PAPOLA: variants seen among roughly 807,000 people sequenced by gnomAD.
PAPOLA encodes the protein poly(A) polymerase alpha, also known as polynucleotide adenylyltransferase alpha.
Under a neutral mutation model 100.6 loss-of-function variants are expected in PAPOLA, and 15 were observed. The ratio of observed to expected loss-of-function variants is 0.15; its 90% confidence interval spans 0.10 to 0.23. The LOEUF is 0.23. PAPOLA is among the 10% of genes least tolerant of loss of function. PAPOLA has a pLI of 1.00. For missense variants in PAPOLA, 533 were observed against 884.2 expected, an observed-to-expected ratio of 0.60 and a Z score of 5.04; for synonymous variants, 293 against 300.0, an observed-to-expected ratio of 0.98 and a Z score of 0.24.
At chr14:96,558,893 A>G (rs955370681) in intron 19 of PAPOLA, among the ~76,000 whole-genome samples, 52 of 152,120 alleles carry the variant, frequency 3.4e-4, no homozygotes, top group African/African-American at 1.2e-3. Flanking sequence ...ATTTTTTAAA[A>G]AATAGGCTGT....
intron 4 of PAPOLA, chr14:96,527,198 C>A: frequency 2.2e-6 from 1 of 461,072 alleles, no homozygotes; most frequent in Non-Finnish European, 3.8e-6. Flanking sequence ...CTTTGGGCTC[C>A]CAGTTTACTT....
At chr14:96,557,647 T>C (rs1192781740) in intron 19 of PAPOLA, among the ~76,000 whole-genome samples, 1 of 151,678 alleles carries the variant, frequency 6.6e-6, no homozygotes, top group Non-Finnish European at 1.5e-5. Flanking sequence ...AAAAAACCCC[T>C]CTAGATTTCT....
At chr14:96,503,334 TTCTC>T (rs1284946204) in intron 1 of PAPOLA, among the ~76,000 whole-genome samples, 1 of 152,218 alleles carries the variant, frequency 6.6e-6, no homozygotes, top group Non-Finnish European at 1.5e-5. Context: ...GTTTCCTTCT[TTCTC>T]TATCTCTGGT....
At chr14:96,533,753 C>T (rs1899274087) in intron 9 of PAPOLA, 1 of 378,028 alleles carries the variant, frequency 2.6e-6, no homozygotes, top group Non-Finnish European at 3.6e-6. Context: ...CGAGGTTTCA[C>T]TGTGTTAGCC....
intron 1 of PAPOLA, chr14:96,504,406 T>C (rs1896564306): frequency 6.6e-6 from 1 of 152,240 alleles, no homozygotes; most frequent in Non-Finnish European, 1.5e-5. Context: ...TTCAAGTGTG[T>C]AAAATGGAAG....
intron 3 of PAPOLA, among the ~76,000 whole-genome samples, chr14:96,521,753 C>A (rs944662215): frequency 1.3e-5 from 2 of 151,502 alleles, no homozygotes; most frequent in Admixed American, 6.6e-5. Context: ...TGCTAGTGTT[C>A]CAGGCGTGAG....
intron 1 of PAPOLA, among the ~76,000 whole-genome samples, chr14:96,513,109 G>A (rs936497201): frequency 2.0e-5 from 3 of 152,124 alleles, no homozygotes; most frequent in African/African-American, 7.2e-5. Context: ...TGTTGCTCAG[G>A]CTGGACTGCA....
At chr14:96,524,475 C>T (rs1160196673) in intron 3 of PAPOLA, among the ~76,000 whole-genome samples, 1 of 151,982 alleles carries the variant, frequency 6.6e-6, no homozygotes, top group African/African-American at 2.4e-5. Flanking sequence ...CTCTGCTGTC[C>T]CTTTCCCCTT....
At chr14:96,512,488 A>G (rs1897171068) in intron 1 of PAPOLA, among the ~76,000 whole-genome samples, 1 of 152,224 alleles carries the variant, frequency 6.6e-6, no homozygotes, top group Non-Finnish European at 1.5e-5. Flanking sequence ...ATCTGGGTTC[A>G]TATTCTGGTC....
intron 12 of PAPOLA, 104 bp from the exon 13 acceptor site, chr14:96,542,139 T>C (rs1900044222): frequency 3.3e-6 from 2 of 613,630 alleles, no homozygotes; most frequent in Admixed American, 3.2e-5. Context: ...CCTTGCTAAA[T>C]TGATGTGGAT....
chr14:96,507,291 T>G (rs1403667578), intron 1 of PAPOLA, among the ~76,000 whole-genome samples: 1 of 134,608 alleles, frequency 7.4e-6, no homozygotes, highest in Non-Finnish European at 1.6e-5. Context: ...TTTTTTTTTT[T>G]TTTTTTTTTT....
rs192343802 is a variant in PAPOLA at position 96,553,357 on chromosome 14, G to C, written c.1664+735G>C. ...GTGAGACTCCCATCTCTAGAAAAAA[G>C]TAAAAGAATTAGGTGTGGTGGTATG... On this transcript the variant is annotated intron_variant, in intron 17 of 21. Transcript: ENST00000216277. 2.0e-5 allele frequency: 3 copies of C among 151,962 alleles called. No homozygotes were observed. The East Asian group carries it at 5.8e-4, about 29-fold the overall frequency. 9.4% of individuals were successfully genotyped at this position (151,962 alleles called of 1,614,324 possible).
At chr14:96,551,027 T>C (rs1900808313) in intron 16 of PAPOLA, among the ~76,000 whole-genome samples, 1 of 152,202 alleles carries the variant, frequency 6.6e-6, no homozygotes, top group South Asian at 2.1e-4. Flanking sequence ...CTGCAAAGTA[T>C]GTGTGTGTGT....
chr14:96,525,611 T>C (rs1898395745), intron 4 of PAPOLA, among the ~76,000 whole-genome samples: 2 of 152,150 alleles, frequency 1.3e-5, no homozygotes, highest in Non-Finnish European at 2.9e-5. Flanking sequence ...ATTAGCTTAG[T>C]GTGGTGACTC....
intron 15 of PAPOLA, among the ~76,000 whole-genome samples, chr14:96,545,060 T>C (rs1225372959): frequency 2.6e-5 from 4 of 152,074 alleles, no homozygotes; most frequent in Non-Finnish European, 5.9e-5. Context: ...TAAGGACTAA[T>C]CCTTTTCTCT....
chr14:96,528,924 G>C (rs562074873), intron 6 of PAPOLA, among the ~76,000 whole-genome samples: 1 of 152,078 alleles, frequency 6.6e-6, no homozygotes, highest in Admixed American at 6.6e-5. Context: ...TTAAGTAAAC[G>C]TAAAAATAAT....
At chr14:96,564,060 A>T (rs1902086481) in intron 21 of PAPOLA, among the ~76,000 whole-genome samples, 1 of 152,004 alleles carries the variant, frequency 6.6e-6, no homozygotes, top group African/African-American at 2.4e-5. Context: ...GTTATGTAAG[A>T]AGAATGATTA....
At chr14:96,537,378 A>T (rs1899626249) in intron 12 of PAPOLA, 1 of 218,524 alleles carries the variant, frequency 4.6e-6, no homozygotes, top group African/African-American at 2.3e-5. Flanking sequence ...AAAAATCTGT[A>T]GTTAATAATT....
At chr14:96,553,668 A>T (rs982047015) in intron 17 of PAPOLA, 3 of 152,266 alleles carry the variant, frequency 2.0e-5, no homozygotes, top group African/African-American at 7.3e-5. Flanking sequence ...ACCTGCCATC[A>T]TGCCCAGCTG....
Sources: allele counts gnomAD v4.1 joint callset (sites outside exome capture counted in the v4.1 genomes callset), GRCh38; gene constraint gnomAD v4.1.1; transcripts MANE v1.5; gene names NCBI Gene and HGNC (gene_info 2026-07-23, HGNC 2026-07-21).